The following RBFOX1 variants were observed in gnomAD, a reference collection of about 807,000 sequenced individuals.
The protein encoded by RBFOX1 is RNA binding protein fox-1 homolog 1.
In RBFOX1, 8 loss-of-function variants were observed where a neutral mutation model predicts 57.7. The ratio of observed to expected loss-of-function variants is 0.14; its 90% confidence interval spans 0.08 to 0.25. The LOEUF (loss-of-function observed/expected upper bound fraction) is 0.25, where lower values mean the gene tolerates loss of function less well. Ranked by LOEUF, RBFOX1 falls within the 10% of genes least tolerant of loss-of-function variation. RBFOX1 has a pLI of 1.00. For synonymous variants in RBFOX1, 326 were observed against 222.4 expected (o/e 1.47, Z -4.15); for missense variants, 611 against 548.5 (o/e 1.11, Z -1.14).
chr16:6,022,253 TG>T lies in RBFOX1; in HGVS notation c.-127+2262del, dbSNP rs1410244173. ...GATGAAAGTATTACCTTAGCAAATCTGTTTTTTTTTTTTTAATTAGAACATC... is the reference window on the plus strand; with the variant it reads ...GATGAAAGTATTACCTTAGCAAATCTTTTTTTTTTTTTTAATTAGAACATC... On this transcript the variant is annotated intron_variant, in intron 1 of 15. Transcript: ENST00000550418. Among the ~76,000 whole-genome samples the T allele has an allele frequency of 1.5e-3, 35 of 23,294 alleles. No homozygotes were observed. In the South Asian group the frequency reaches 0.028, roughly 18 times the overall value. 15.3% of individuals were successfully genotyped at this position (23,294 alleles called of 152,430 possible).
rs190590410 is a variant in RBFOX1 at position 7,209,084 on chromosome 16, C to G, written c.27+156986C>G. 2.1e-3 allele frequency among the ~76,000 whole-genome samples: 313 copies of G among 151,810 alleles called. 1 individual carries two copies. The highest frequency in any genetic ancestry group is 7.1e-3 in the African/African-American group (294 of 41,388). On this transcript the variant is annotated intron_variant, in intron 4 of 15. Coordinates refer to ENST00000550418, the MANE Select transcript of RBFOX1 (RefSeq NM_018723.4). The stretch of plus-strand genomic sequence containing the variant: ...CCGAGGTGGTCAGATCACCTGAGGT[C>G]AGGAGTTCAAGAGCAGCCTGGCCAA...
chr16:5,355,824 C>T (rs1390455336), intron 1 of RBFOX1, among the ~76,000 whole-genome samples: 2 of 152,144 alleles, frequency 1.3e-5, no homozygotes, highest in African/African-American at 4.8e-5. Context: ...GGTGCAATGC[C>T]TTATGCATGT....
At position 6,817,392 on chromosome 16, in the gene RBFOX1, C is replaced by G. The variant is rs143711732; in HGVS notation, c.-16+162742C>G. Among the ~76,000 whole-genome samples, 36 of 152,118 alleles carry G rather than the reference C, an allele frequency of 2.4e-4. 1 individual carries two copies. Among genetic ancestry groups the G allele is most frequent in the African/African-American group, 8.4e-4 (35 of 41,488 alleles). On this transcript the variant is annotated intron_variant, in intron 3 of 15. Transcript: ENST00000550418. ...TTAGTGTCTCATGGTAGAAATAATTCAGTTTTAAAATTAACTTTTAGCTGG... is the reference window on the plus strand; with the variant it reads ...TTAGTGTCTCATGGTAGAAATAATTGAGTTTTAAAATTAACTTTTAGCTGG...
At chr16:5,785,359 T>C (rs2151715739) in intron 3 of RBFOX1, among the ~76,000 whole-genome samples, 1 of 152,252 alleles carries the variant, frequency 6.6e-6, no homozygotes, top group Non-Finnish European at 1.5e-5. Flanking sequence ...TCTGAGCTTC[T>C]GCATCCCTTC....
intron 4 of RBFOX1, among the ~76,000 whole-genome samples, chr16:7,297,590 G>A (rs1448649373): frequency 6.6e-6 from 1 of 152,046 alleles, no homozygotes; most frequent in African/African-American, 2.4e-5. Flanking sequence ...CTCAGTAGTG[G>A]CTTTAAGCAG....
intron 3 of RBFOX1, among the ~76,000 whole-genome samples, chr16:6,681,741 A>G (rs918218660): frequency 1.3e-5 from 2 of 152,066 alleles, no homozygotes; most frequent in African/African-American, 2.4e-5. Flanking sequence ...TGATAATAAT[A>G]TAATTAATAG....
intron 4 of RBFOX1, among the ~76,000 whole-genome samples, chr16:7,237,934 A>G (rs1431888192): frequency 1.3e-5 from 2 of 152,168 alleles, no homozygotes; most frequent in Non-Finnish European, 2.9e-5. Context: ...AACCCTGGAG[A>G]TGGAGGTTAC....
intron 3 of RBFOX1, among the ~76,000 whole-genome samples, chr16:6,823,121 A>G (rs1473513978): frequency 1.4e-4 from 21 of 152,186 alleles, no homozygotes; most frequent in Admixed American, 1.2e-3. Flanking sequence ...TAGCCATTTT[A>G]TGAAGCCTGT....
At chr16:7,111,793 T>C (rs1448379897) in intron 4 of RBFOX1, among the ~76,000 whole-genome samples, 1 of 152,146 alleles carries the variant, frequency 6.6e-6, no homozygotes, top group Non-Finnish European at 1.5e-5. Flanking sequence ...GGCCAATCTA[T>C]TTGATTTTTT....
At chr16:7,125,676 T>C (rs754258335) in intron 4 of RBFOX1, among the ~76,000 whole-genome samples, 4 of 152,222 alleles carry the variant, frequency 2.6e-5, no homozygotes, top group Non-Finnish European at 5.9e-5. Context: ...AATGAGTTAT[T>C]TGCTCTAAAA....
chr16:5,420,323 A>G (rs752363759), intron 1 of RBFOX1, among the ~76,000 whole-genome samples: 1 of 152,190 alleles, frequency 6.6e-6, no homozygotes, highest in Non-Finnish European at 1.5e-5. Flanking sequence ...GCATATTTCC[A>G]TCCTGTTGGA....
At chr16:5,347,273 C>G (rs896815290) in intron 1 of RBFOX1, among the ~76,000 whole-genome samples, 1 of 152,140 alleles carries the variant, frequency 6.6e-6, no homozygotes, top group Non-Finnish European at 1.5e-5. Context: ...TTTGCTTATA[C>G]ATTCAGTGCT....
At position 6,041,696 on chromosome 16, in the gene RBFOX1, G is replaced by A. The variant is rs186652567; in HGVS notation, c.-127+21704G>A. Among the ~76,000 whole-genome samples, 653 of 152,224 alleles carry A rather than the reference G, an allele frequency of 4.3e-3. 7 individuals carry two copies. The highest frequency in any genetic ancestry group is 5.0e-3 in the Non-Finnish European group (340 of 68,004). On this transcript the variant is annotated intron_variant, in intron 1 of 15. Coordinates refer to ENST00000550418, the MANE Select transcript of RBFOX1 (RefSeq NM_018723.4). ...CCTTTTAGTGTAAGGGGAAGTCTTA[G>A]TCTAAGGCTTAGATTCAGGGGACAA...
intron 2 of RBFOX1, among the ~76,000 whole-genome samples, chr16:6,641,671 G>C (rs146645805): frequency 1.5e-3 from 218 of 148,616 alleles, no homozygotes; most frequent in African/African-American, 5.3e-3. Context: ...GGAGGCGGAG[G>C]TTGCAGTGAG....
chr16:6,112,453 G>A (rs1244404297), intron 1 of RBFOX1, among the ~76,000 whole-genome samples: 1 of 152,202 alleles, frequency 6.6e-6, no homozygotes, highest in Non-Finnish European at 1.5e-5. Context: ...CACTTTGGGA[G>A]GCCAAGATGG....
At chr16:7,177,424 C>T (rs1268185480) in intron 4 of RBFOX1, among the ~76,000 whole-genome samples, 1 of 151,380 alleles carries the variant, frequency 6.6e-6, no homozygotes, top group Non-Finnish European at 1.5e-5. Context: ...GATCCTTAAA[C>T]ATTCTATGCA....
intron 2 of RBFOX1, among the ~76,000 whole-genome samples, chr16:6,473,338 C>G (rs1007006461): frequency 6.6e-6 from 1 of 152,040 alleles, no homozygotes; most frequent in Non-Finnish European, 1.5e-5. Context: ...AATCCTTGAA[C>G]GAAACAAAAG....
intron 1 of RBFOX1, among the ~76,000 whole-genome samples, chr16:5,343,298 G>GTTTTTTTTTTTTTT: frequency 9.1e-6 from 1 of 109,952 alleles, no homozygotes; most frequent in Non-Finnish European, 1.7e-5. Context: ...CTTCTTTGAA[G>GTTTTTTTTTTTTTT]TTTTTTTTTT....
intron 1 of RBFOX1, among the ~76,000 whole-genome samples, chr16:6,029,097 T>G (rs1450243129): frequency 6.6e-6 from 1 of 152,206 alleles, no homozygotes; most frequent in African/African-American, 2.4e-5. Flanking sequence ...CTTATTTTTT[T>G]TTACCTTGTG....
Sources: allele counts gnomAD v4.1 joint callset (sites outside exome capture counted in the v4.1 genomes callset), GRCh38; gene constraint gnomAD v4.1.1; transcripts MANE v1.5; gene names NCBI Gene and HGNC (gene_info 2026-07-23, HGNC 2026-07-21).